Variants in INPP4B observed in about 807,000 individuals in gnomAD.
The protein encoded by INPP4B is inositol polyphosphate 4-phosphatase type II.
INPP4B carries 55 observed loss-of-function variants against 122.5 expected under a neutral mutation model. That is an observed-to-expected ratio of 0.45 (90% CI 0.36 to 0.56). The LOEUF (loss-of-function observed/expected upper bound fraction) is 0.56, where lower values mean the gene tolerates loss of function less well. Among genes scored for constraint, INPP4B ranks in the 20% least tolerant of loss-of-function variants. The probability of loss-of-function intolerance (pLI) is 0.00; values close to 1 mark genes in which losing one functional copy is unlikely to be tolerated. For synonymous variants in INPP4B, 403 were observed against 388.7 expected, an observed-to-expected ratio of 1.04 and a Z score of -0.43; for missense variants, 1,000 against 1,097.7, an observed-to-expected ratio of 0.91 and a Z score of 1.26.
chr4:142,520,562 A>G (rs1014598809), intron 2 of INPP4B, among the ~76,000 whole-genome samples: 1 of 152,116 alleles, frequency 6.6e-6, no homozygotes, highest in African/African-American at 2.4e-5. Context: ...TTGTATTAAA[A>G]TTGTACCCTT....
chr4:142,704,702 ACTTTTCT>A (rs1762248972), intron 2 of INPP4B, among the ~76,000 whole-genome samples: 1 of 152,008 alleles, frequency 6.6e-6, no homozygotes, highest in Non-Finnish European at 1.5e-5. Flanking sequence ...TTTTCTACTC[ACTTTTCT>A]CTATTGCCAC....
At chr4:142,703,615 G>T (rs1251134818) in intron 2 of INPP4B, among the ~76,000 whole-genome samples, 1 of 152,146 alleles carries the variant, frequency 6.6e-6, no homozygotes. Flanking sequence ...TAAAAAGCTT[G>T]TTTTCTCTGG....
intron 18 of INPP4B, among the ~76,000 whole-genome samples, chr4:142,139,507 A>G (rs1007957185): frequency 7.2e-5 from 11 of 152,064 alleles, no homozygotes; most frequent in Non-Finnish European, 1.3e-4. Context: ...GGGTTTCCCC[A>G]TGTTGGCCAG....
intron 21 of INPP4B, among the ~76,000 whole-genome samples, chr4:142,119,566 T>C (rs1795509034): frequency 8.6e-6 from 1 of 115,932 alleles, no homozygotes; most frequent in African/African-American, 3.6e-5. Flanking sequence ...AAACACTGCA[T>C]GTTTTCACTC....
At chr4:142,772,916 C>T (rs1311538314) in intron 1 of INPP4B, among the ~76,000 whole-genome samples, 1 of 151,926 alleles carries the variant, frequency 6.6e-6, no homozygotes, top group Non-Finnish European at 1.5e-5. Flanking sequence ...TGTGGTGGCA[C>T]ACACCTTTAA....
chr4:142,212,634 C>A (rs534289784), intron 12 of INPP4B, among the ~76,000 whole-genome samples: 1 of 152,250 alleles, frequency 6.6e-6, no homozygotes, highest in South Asian at 2.1e-4. Flanking sequence ...ACACAGTAAC[C>A]AGATCACAGA....
chr4:142,509,538 C>G (rs1208000479), intron 2 of INPP4B, among the ~76,000 whole-genome samples: 1 of 152,154 alleles, frequency 6.6e-6, no homozygotes, highest in Non-Finnish European at 1.5e-5. Context: ...TCATCCATGT[C>G]CCTGCAAACG....
chr4:142,372,897 T>C (rs755026713), intron 7 of INPP4B, among the ~76,000 whole-genome samples: 3 of 152,034 alleles, frequency 2.0e-5, no homozygotes, highest in Non-Finnish European at 2.9e-5. Context: ...GGAATTCATA[T>C]GATTAAGCAC....
intron 12 of INPP4B, among the ~76,000 whole-genome samples, chr4:142,218,377 T>A (rs1848151721): frequency 6.6e-6 from 1 of 152,208 alleles, no homozygotes. Flanking sequence ...CAAGCACCTA[T>A]GATATTGGAA....
At chr4:142,728,471 G>T (rs908304686) in intron 1 of INPP4B, among the ~76,000 whole-genome samples, 1 of 152,124 alleles carries the variant, frequency 6.6e-6, no homozygotes, top group Non-Finnish European at 1.5e-5. Context: ...TATTCAGAAA[G>T]AATCTTTATG....
intron 17 of INPP4B, among the ~76,000 whole-genome samples, chr4:142,149,873 C>G (rs1208528146): frequency 6.6e-6 from 1 of 152,040 alleles, no homozygotes; most frequent in African/African-American, 2.4e-5. Flanking sequence ...ATTCATGTGA[C>G]CAGGATATAG....
At chr4:142,477,419 C>T (rs1819925541) in intron 2 of INPP4B, among the ~76,000 whole-genome samples, 2 of 150,500 alleles carry the variant, frequency 1.3e-5, no homozygotes, top group Admixed American at 1.3e-4. Context: ...CCAACACTAG[C>T]AAAAGAGAAG....
chr4:142,394,847 AT>A (rs1165594384), intron 7 of INPP4B, among the ~76,000 whole-genome samples: 5 of 152,086 alleles, frequency 3.3e-5, no homozygotes, highest in Admixed American at 6.5e-5. Context: ...TTTGTTGCCT[AT>A]TTTTTTGGGG....
In INPP4B at chr4:142,173,581, G is replaced by T. The variant is rs761526428; in HGVS notation, c.1359+51C>A. The T allele has an allele frequency of 7.3e-6, 11 of 1,501,984 alleles. No individual in the cohort carries two copies. The African/African-American group carries it at 1.3e-4, about 17-fold the overall frequency. The allele number at this position is 1,501,984 out of a possible 1,614,324, so 93.0% of individuals were successfully genotyped here. ...GATGTATGCAGAAAGCCAGACCAATGGGAATTTGAGTATTTCATTTTCCCA... is the reference window on the plus strand; with the variant it reads ...GATGTATGCAGAAAGCCAGACCAATTGGAATTTGAGTATTTCATTTTCCCA... On this transcript the variant is annotated intron_variant, in intron 16 of 25. Coordinates refer to ENST00000262992, the MANE Select transcript of INPP4B (RefSeq NM_001101669.3).
intron 9 of INPP4B, among the ~76,000 whole-genome samples, chr4:142,302,733 A>T (rs776316246): frequency 1.3e-5 from 2 of 152,128 alleles, no homozygotes; most frequent in Non-Finnish European, 2.9e-5. Context: ...TACCTTGTTT[A>T]CAAGTCTAGA....
At chr4:142,686,207 G>A (rs1178953089) in intron 2 of INPP4B, among the ~76,000 whole-genome samples, 2 of 152,030 alleles carry the variant, frequency 1.3e-5, no homozygotes, top group African/African-American at 2.4e-5. Context: ...TGTTAGTCAA[G>A]GCCTCAAATA....
intron 9 of INPP4B, among the ~76,000 whole-genome samples, chr4:142,302,407 T>C (rs186170181): frequency 2.0e-5 from 3 of 152,300 alleles, no homozygotes; most frequent in East Asian, 3.9e-4. Flanking sequence ...TTCTCTTTTG[T>C]TGAAAGAGAC....
chr4:142,684,887 T>C (rs1187363271), intron 2 of INPP4B, among the ~76,000 whole-genome samples: 9 of 151,964 alleles, frequency 5.9e-5, no homozygotes. Flanking sequence ...TACAAAAAAA[T>C]TAGCCAGAGT....
chr4:142,836,698 G>T (rs374299909), intron 1 of INPP4B, among the ~76,000 whole-genome samples: 1 of 118,206 alleles, frequency 8.5e-6, no homozygotes. Flanking sequence ...ACCTAATTTA[G>T]GTAAATGAAA....
Sources: allele counts gnomAD v4.1 joint callset (sites outside exome capture counted in the v4.1 genomes callset), GRCh38; gene constraint gnomAD v4.1.1; transcripts MANE v1.5; gene names NCBI Gene and HGNC (gene_info 2026-07-23, HGNC 2026-07-21).